RGS6: variants seen among roughly 807,000 people sequenced by gnomAD.
RGS6 encodes regulator of G-protein signaling 6.
A neutral mutation model predicts 78.5 loss-of-function variants in RGS6; 30 were observed. The ratio of observed to expected loss-of-function variants is 0.38; its 90% CI spans 0.29 to 0.52. RGS6 has a LOEUF of 0.52. Among genes scored for constraint, RGS6 ranks in the 20% least tolerant of loss-of-function variants. The pLI is 0.85. For missense variants in RGS6, 495 were observed against 609.7 expected, an observed-to-expected ratio of 0.81 and a Z score of 1.98; for synonymous variants, 206 against 206.0, an observed-to-expected ratio of 1.00 and a Z score of 0.00.
At chr14:72,001,314 C>T (rs772133247) in intron 2 of RGS6, among the ~76,000 whole-genome samples, 8 of 152,156 alleles carry the variant, frequency 5.3e-5, no homozygotes, top group Non-Finnish European at 8.8e-5. Context: ...ATTTTTCCTA[C>T]CTCATAGAAT....
intron 3 of RGS6, among the ~76,000 whole-genome samples, chr14:72,450,233 T>C (rs959972780): frequency 3.9e-5 from 6 of 152,122 alleles, no homozygotes; most frequent in African/African-American, 1.2e-4. Context: ...AAGATGCTTT[T>C]CCACTGTAGA....
chr14:72,061,026 A>G (rs1321153184), intron 2 of RGS6, among the ~76,000 whole-genome samples: 1 of 152,160 alleles, frequency 6.6e-6, no homozygotes, highest in Non-Finnish European at 1.5e-5. Context: ...AAGGCTGCAA[A>G]TATTCTGGCA....
the RGS6 span, among the ~76,000 whole-genome samples, chr14:71,878,795 G>A: frequency 6.6e-6 from 1 of 152,166 alleles, no homozygotes; most frequent in African/African-American, 2.4e-5. Flanking sequence ...GCTGTAGACT[G>A]GAGCTGTTCC....
At chr14:72,185,320 T>C (rs549421420) in intron 2 of RGS6, among the ~76,000 whole-genome samples, 4 of 152,160 alleles carry the variant, frequency 2.6e-5, no homozygotes, top group African/African-American at 9.7e-5. Context: ...GACAATACTT[T>C]GCATTCTTCA....
chr14:72,219,248 A>G (rs1215674391), intron 2 of RGS6, among the ~76,000 whole-genome samples: 1 of 152,118 alleles, frequency 6.6e-6, no homozygotes, highest in African/African-American at 2.4e-5. Flanking sequence ...ATGAATGACC[A>G]CAAATGATCT....
the RGS6 span, among the ~76,000 whole-genome samples, chr14:71,880,266 A>G: frequency 3.3e-5 from 5 of 152,334 alleles, no homozygotes; most frequent in East Asian, 9.6e-4. Flanking sequence ...AAAGTTTGGG[A>G]AATTTGCAGC....
chr14:72,496,925 A>T (rs1296320514), intron 13 of RGS6, among the ~76,000 whole-genome samples: 2 of 152,162 alleles, frequency 1.3e-5, no homozygotes, highest in Non-Finnish European at 2.9e-5. Context: ...ACACATATAG[A>T]TCCACCTTAC....
intron 2 of RGS6, among the ~76,000 whole-genome samples, chr14:72,255,410 A>G (rs540094795): frequency 6.6e-6 from 1 of 152,318 alleles, no homozygotes; most frequent in Non-Finnish European, 1.5e-5. Context: ...TAAAAAATAT[A>G]TTACAACTAG....
chr14:71,869,635 G>A, the RGS6 span, among the ~76,000 whole-genome samples: 1 of 152,168 alleles, frequency 6.6e-6, no homozygotes, highest in Non-Finnish European at 1.5e-5. Context: ...ACCCATTATA[G>A]CTATAGAATT....
At chr14:72,402,704 A>G (rs1473783570) in intron 3 of RGS6, among the ~76,000 whole-genome samples, 2 of 152,180 alleles carry the variant, frequency 1.3e-5, no homozygotes, top group Non-Finnish European at 2.9e-5. Context: ...GGTTCCTCCA[A>G]AAAACTAAAA....
At chr14:72,140,408 C>T (rs988794617) in intron 2 of RGS6, among the ~76,000 whole-genome samples, 1 of 152,098 alleles carries the variant, frequency 6.6e-6, no homozygotes, top group Non-Finnish European at 1.5e-5. Context: ...CTGAGAAGAC[C>T]GTGTGCCATT....
At chr14:72,524,079 T>C (rs943505625) in intron 15 of RGS6, among the ~76,000 whole-genome samples, 1 of 152,224 alleles carries the variant, frequency 6.6e-6, no homozygotes. Context: ...TAAAAAGTGC[T>C]ATATATTTGT....
chr14:72,479,122 T>C (rs1437280512), intron 12 of RGS6, among the ~76,000 whole-genome samples: 1 of 152,210 alleles, frequency 6.6e-6, no homozygotes, highest in Non-Finnish European at 1.5e-5. Context: ...ACTGAGTCTT[T>C]TAAGCCCAGC....
intron 2 of RGS6, among the ~76,000 whole-genome samples, chr14:72,056,346 C>T (rs2093619894): frequency 6.6e-6 from 1 of 152,146 alleles, no homozygotes; most frequent in Non-Finnish European, 1.5e-5. Context: ...CATGTGTTAT[C>T]TTCTCTATAC....
intron 3 of RGS6, among the ~76,000 whole-genome samples, chr14:72,393,176 A>G (rs2090413499): frequency 6.6e-6 from 1 of 152,170 alleles, no homozygotes; most frequent in Non-Finnish European, 1.5e-5. Flanking sequence ...ACCCCTATGC[A>G]TGAAGATCTG....
At chr14:72,164,595 C>T (rs1312391863) in intron 2 of RGS6, among the ~76,000 whole-genome samples, 9 of 152,112 alleles carry the variant, frequency 5.9e-5, no homozygotes, top group Admixed American at 5.2e-4. Context: ...GAAATGAAAC[C>T]TTAGAATAAC....
chr14:71,984,307 A>G (rs1595674180), intron 2 of RGS6, among the ~76,000 whole-genome samples: 1 of 110,076 alleles, frequency 9.1e-6, no homozygotes, highest in South Asian at 3.2e-4. Context: ...TTAAAAAAAA[A>G]AAAAAAAAAA....
intron 2 of RGS6, among the ~76,000 whole-genome samples, chr14:72,337,479 T>G (rs1390761124): frequency 1.3e-5 from 2 of 152,018 alleles, no homozygotes; most frequent in African/African-American, 2.4e-5. Flanking sequence ...CTCCCTCTAC[T>G]TACAACCTTG....
intron 2 of RGS6, among the ~76,000 whole-genome samples, chr14:72,316,901 G>GTGTGTGTA (rs1281553465): frequency 4.4e-5 from 6 of 135,116 alleles, no homozygotes; most frequent in African/African-American, 1.6e-4. Context: ...GGTGAAGTGT[G>GTGTGTGTA]TGTGTGTGTG....
Sources: allele counts gnomAD v4.1 joint callset (sites outside exome capture counted in the v4.1 genomes callset), GRCh38; gene constraint gnomAD v4.1.1; transcripts MANE v1.5; gene names NCBI Gene and HGNC (gene_info 2026-07-23, HGNC 2026-07-21).